Variants in SYNGR1 observed in about 807,000 individuals in gnomAD.
SYNGR1 encodes synaptogyrin-1.
Under a neutral mutation model 26.1 loss-of-function variants are expected in SYNGR1, and 14 were observed. That is an observed-to-expected ratio of 0.54 (90% CI 0.35 to 0.84). SYNGR1 has a LOEUF of 0.84. Ranked by LOEUF, SYNGR1 falls within the 40% of genes least tolerant of loss-of-function variation. The pLI, the probability that SYNGR1 is intolerant of heterozygous loss-of-function variation, is 0.01. For missense variants in SYNGR1, 319 were observed against 332.9 expected, an observed-to-expected ratio of 0.96 and a Z score of 0.33; for synonymous variants, 141 against 150.1, an observed-to-expected ratio of 0.94 and a Z score of 0.44.
At chr22:39,360,579 C>T (rs1446677048) in intron 1 of SYNGR1, among the ~76,000 whole-genome samples, 3 of 152,096 alleles carry the variant, frequency 2.0e-5, no homozygotes, top group Non-Finnish European at 2.9e-5. Flanking sequence ...CGCCCTCACC[C>T]CGCTCGCCGC....
At chr22:39,373,162 CACACAT>C (rs1200524704) in intron 1 of SYNGR1, among the ~76,000 whole-genome samples, 1 of 150,744 alleles carries the variant, frequency 6.6e-6, no homozygotes, top group African/African-American at 2.5e-5. Flanking sequence ...CACACACACA[CACACAT>C]AGATAGATTT....
At position 39,376,315 on chromosome 22, in the gene SYNGR1, C is replaced by T. The variant is rs1414283588; in HGVS notation, c.483+118C>T. ...TGCCTCTGGGAGCCCACACTACCCT[C>T]GCTCCCTCTTCTGCCTGCCTGTCTG... is the stretch of plus-strand genomic sequence containing the variant. On this transcript the variant is annotated intron_variant, in intron 3 of 3. Coordinates refer to ENST00000328933, the MANE Select transcript of SYNGR1 (RefSeq NM_004711.5). 1.6e-5 allele frequency: 25 copies of T among 1,525,228 alleles called. 1 individual carries two copies. Among genetic ancestry groups the T allele is most frequent in the South Asian group, 1.4e-4 (12 of 88,724 alleles). 94.5% of individuals were successfully genotyped at this position (1,525,228 alleles called of 1,614,324 possible).
At chr22:39,361,393 C>G (rs367824764) in intron 1 of SYNGR1, among the ~76,000 whole-genome samples, 1 of 138,496 alleles carries the variant, frequency 7.2e-6, no homozygotes, top group East Asian at 2.1e-4. Flanking sequence ...AAGTCTTACT[C>G]TGTCACCTAG....
At chr22:39,375,664 C>CG (rs888353725) in intron 2 of SYNGR1, 10 of 558,650 alleles carry the variant, frequency 1.8e-5, no homozygotes, top group South Asian at 2.4e-5. Context: ...AGGGGTGGAC[C>CG]GGGGGGGCCC....
rs1569182593 is a variant in SYNGR1, at chr22:39,376,085, G to A, written c.371G>A (p.Cys124Tyr). ...FWAFLWFVGF[C>Y]YLANQWQVSK... ...GCTTTCCTCTGGTTCGTGGGATTCT[G>A]CTACCTGGCCAACCAGTGGCAGGTC... Residue 124 changes from cysteine (C) to tyrosine (Y), a missense_variant, in exon 3 of 4, where the codon TGC (cysteine) becomes TAC (tyrosine). Cys to Tyr is a radical substitution (Grantham distance 194, BLOSUM62 -2). Transcript: ENST00000328933. 6.2e-7 allele frequency: 1 copy of A among 1,614,178 alleles called. No individual in the cohort carries two copies.
rs1474403843 is a variant in SYNGR1 at position 39,374,456 on chromosome 22, C to T, written c.240C>T (p.Leu80=). 6.2e-7 allele frequency: 1 copy of T among 1,614,016 alleles called. No individual in the cohort carries two copies. The highest frequency in any genetic ancestry group is 1.1e-5 in the South Asian group (1 of 91,088). The change falls in exon 2 of 4, where the codon CTC becomes CTT. Residue 80 remains leucine, a synonymous_variant. Transcript: ENST00000328933. ...TGGCCGTGGGCGTGCTCGCCTTCCT[C>T]ACCTGCCTGCTGTACCTGGCCCTGG... ...YGVAVGVLAF[L]TCLLYLALDV... is the part of the protein sequence containing the mutation.
At position 39,350,929 on chromosome 22, in the gene SYNGR1, G is replaced by C. The variant is rs755974331; in HGVS notation, c.99+820G>C. Among the ~76,000 whole-genome samples the C allele has an allele frequency of 1.3e-5, 2 of 152,180 alleles. No homozygotes were observed. Among genetic ancestry groups the C allele is most frequent in the Non-Finnish European group, 2.9e-5 (2 of 68,028 alleles). The stretch of plus-strand genomic sequence containing the variant: ...TCTGCTCCCACAGTGAAGAGGCCAG[G>C]GTGGCCTCCAGCCTAGCTGGGGGGC... On this transcript the variant is annotated intron_variant, in intron 1 of 3. Transcript: ENST00000328933. This position sits in a 1 kb window ranked among gnomAD's most constrained non-coding sequence, Gnocchi z 4.3.
chr22:39,375,946 G>A, intron 2 of SYNGR1, 106 bp from the exon 3 acceptor site: 1 of 1,451,420 alleles, frequency 6.9e-7, no homozygotes, highest in East Asian at 2.3e-5. Flanking sequence ...CATGGGAGAT[G>A]CACTCTTGAA....
intron 1 of SYNGR1, among the ~76,000 whole-genome samples, chr22:39,363,594 C>T (rs1454809729): frequency 2.0e-5 from 3 of 152,056 alleles, no homozygotes; most frequent in Admixed American, 1.3e-4. Flanking sequence ...GGACTCATGG[C>T]CCAAGCAGGG....
In SYNGR1 at chr22:39,384,446, C is replaced by G. The variant is rs1385241478; in HGVS notation, c.*2532C>G. On this transcript the variant is annotated 3_prime_UTR_variant, in exon 4 of 4. Transcript: ENST00000328933. ...TCCCGGGTTCAGCCCAGAAGCCCTT[C>G]CAGGCATGATCTTCCCCATCAGGCT... 2.5e-6 allele frequency: 1 copy of G among 398,200 alleles called. No individual in the cohort carries two copies. Among genetic ancestry groups the G allele is most frequent in the African/African-American group, 2.1e-5 (1 of 48,628 alleles). The allele number at this position is 398,200 out of a possible 1,614,324, so 24.7% of individuals were successfully genotyped here. A position where few individuals can be genotyped will look rare whatever the true frequency, so the allele number is the denominator to read the frequency against.
intron 1 of SYNGR1, among the ~76,000 whole-genome samples, chr22:39,351,105 G>A (rs1049156557): frequency 6.6e-6 from 1 of 152,172 alleles, no homozygotes; most frequent in African/African-American, 2.4e-5. Context: ...TGGAGAGGGG[G>A]TTTCTGGGGC....
intron 1 of SYNGR1, among the ~76,000 whole-genome samples, chr22:39,361,908 G>T (rs1351765202): frequency 1.3e-5 from 2 of 152,052 alleles, no homozygotes; most frequent in East Asian, 3.9e-4. Context: ...GGCCCTGGGG[G>T]GGTACAGGAT....
intron 3 of SYNGR1, chr22:39,377,981 AAAC>A: frequency 8.0e-7 from 1 of 1,255,708 alleles, no homozygotes; most frequent in South Asian, 1.5e-5. Flanking sequence ...GGGGAGGAGA[AAAC>A]AAACACATCA....
intron 1 of SYNGR1, 69 bp from the exon 2 acceptor site, chr22:39,374,247 C>A: frequency 6.7e-7 from 1 of 1,499,706 alleles, no homozygotes; most frequent in Non-Finnish European, 9.3e-7. Context: ...GGGTGGCAGC[C>A]TCCCCGTCCC....
At chr22:39,354,766 G>C (rs1393859345) in intron 1 of SYNGR1, among the ~76,000 whole-genome samples, 1 of 152,078 alleles carries the variant, frequency 6.6e-6, no homozygotes, top group Non-Finnish European at 1.5e-5. Flanking sequence ...TTGAACCCGG[G>C]AGGCGGAGGT....
rs1307357088 is a variant in SYNGR1 at position 39,382,289 on chromosome 22, G to A, written c.*375G>A. ...GATGAGCTGTGGAGGAAGCCCTGGTGGTACCAGAGGCCAGAATGGTGGGAA... is the reference window on the plus strand; with the variant it reads ...GATGAGCTGTGGAGGAAGCCCTGGTAGTACCAGAGGCCAGAATGGTGGGAA... On this transcript the variant is annotated 3_prime_UTR_variant, in exon 4 of 4. Transcript: ENST00000328933. The A allele has an allele frequency of 8.4e-6, 3 of 357,578 alleles. No individual in the cohort carries two copies. The Admixed American group carries it at 1.2e-4, about 14-fold the overall frequency. The allele number at this position is 357,578 out of a possible 1,614,324, so 22.2% of individuals were successfully genotyped here.
intron 1 of SYNGR1, among the ~76,000 whole-genome samples, chr22:39,357,572 C>G (rs965677719): frequency 6.6e-6 from 1 of 151,770 alleles, no homozygotes; most frequent in Non-Finnish European, 1.5e-5. Context: ...CTGCGTGCGG[C>G]GCTTGCGGGC....
intron 1 of SYNGR1, among the ~76,000 whole-genome samples, chr22:39,359,980 C>T (rs145648658): frequency 5.9e-5 from 9 of 152,152 alleles, no homozygotes; most frequent in African/African-American, 1.9e-4. Flanking sequence ...GTGCACTGGC[C>T]CTCACCACCC....
intron 1 of SYNGR1, among the ~76,000 whole-genome samples, chr22:39,363,825 AGCTCAGGGATGTT>A (rs1275117864): frequency 6.6e-6 from 1 of 152,068 alleles, no homozygotes; most frequent in African/African-American, 2.4e-5. Flanking sequence ...CGAGCCACCC[AGCTCAGGGATGTT>A]CCTGCGCAGG....
Sources: gnomAD v4.1 joint callset for allele counts (sites outside exome capture counted in the v4.1 genomes callset) on GRCh38, gnomAD v4.1.1 for gene constraint, Gnocchi (gnomAD v3.1) non-coding constraint, MANE v1.5 for transcripts, NCBI Gene and HGNC (gene_info 2026-07-23, HGNC 2026-07-21) for gene names.